The following MACROD2 variants were observed in gnomAD, a reference collection of about 807,000 sequenced individuals.
MACROD2 encodes ADP-ribose glycohydrolase MACROD2.
A neutral mutation model predicts 70.4 loss-of-function variants in MACROD2; 36 were observed. The ratio of observed to expected loss-of-function variants is 0.51; its 90% confidence interval spans 0.39 to 0.68. The LOEUF (loss-of-function observed/expected upper bound fraction) is 0.68. Among genes scored for constraint, MACROD2 ranks in the 30% least tolerant of loss-of-function variants. The pLI is 0.00. For synonymous variants in MACROD2, 172 were observed against 178.8 expected, an observed-to-expected ratio of 0.96 and a Z score of 0.30; for missense variants, 496 against 538.4, an observed-to-expected ratio of 0.92 and a Z score of 0.78.
intron 8 of MACROD2, among the ~76,000 whole-genome samples, chr20:15,586,480 G>T (rs1022945719): frequency 6.6e-6 from 1 of 152,130 alleles, no homozygotes; most frequent in Non-Finnish European, 1.5e-5. Flanking sequence ...TTATTTACCT[G>T]GCTTAAAAGT....
intron 5 of MACROD2, among the ~76,000 whole-genome samples, chr20:15,023,631 G>A (rs368020169): frequency 1.3e-5 from 2 of 152,122 alleles, no homozygotes; most frequent in South Asian, 2.1e-4. Context: ...CTTACATGGC[G>A]GCAGGCAAGA....
At chr20:15,010,438 A>G (rs1433674335) in intron 5 of MACROD2, among the ~76,000 whole-genome samples, 5 of 152,228 alleles carry the variant, frequency 3.3e-5, no homozygotes, top group Admixed American at 2.6e-4. Context: ...TCCCAAGATC[A>G]CTATAGCCGT....
chr20:16,014,405 A>G (rs1399925491), intron 15 of MACROD2, among the ~76,000 whole-genome samples: 1 of 152,212 alleles, frequency 6.6e-6, no homozygotes, highest in Non-Finnish European at 1.5e-5. Flanking sequence ...TTGTTACACT[A>G]AGGAAGAAGT....
At chr20:15,672,350 C>CACACAT (rs2049991505) in intron 8 of MACROD2, among the ~76,000 whole-genome samples, 1 of 117,006 alleles carries the variant, frequency 8.5e-6, no homozygotes, top group African/African-American at 4.9e-5. Context: ...TTCTATTTTA[C>CACACAT]ACACACACAC....
At chr20:15,116,670 T>C (rs2075993912) in intron 5 of MACROD2, among the ~76,000 whole-genome samples, 1 of 152,212 alleles carries the variant, frequency 6.6e-6, no homozygotes, top group Non-Finnish European at 1.5e-5. Context: ...ATGTATTTTC[T>C]ATTCCTTATG....
chr20:14,493,426 A>G (rs2084816459), intron 3 of MACROD2, 53 bp from the exon 4 acceptor site: 3 of 1,450,114 alleles, frequency 2.1e-6, no homozygotes, highest in East Asian at 2.3e-5. Flanking sequence ...CTGATATACT[A>G]TATTTCTTAT....
chr20:14,352,558 C>T (rs2083133517), intron 3 of MACROD2: 1 of 152,038 alleles, frequency 6.6e-6, no homozygotes, highest in Admixed American at 6.6e-5. Context: ...TACAAGATTG[C>T]CCTCCAGAAA....
intron 3 of MACROD2, among the ~76,000 whole-genome samples, chr20:14,481,956 T>G (rs1198621766): frequency 6.6e-6 from 1 of 152,224 alleles, no homozygotes; most frequent in Admixed American, 6.5e-5. Flanking sequence ...GTTGTTATTT[T>G]GGGCATATTT....
rs1156507602 is a variant in MACROD2 at position 15,424,702 on chromosome 20, AG to A, written c.541-6702del. Among the ~76,000 whole-genome samples the A allele has an allele frequency of 1.3e-4, 19 of 151,806 alleles. 1 individual carries two copies. Among genetic ancestry groups the A allele is most frequent in the Admixed American group, 1.2e-3 (19 of 15,258 alleles). On this transcript the variant is annotated intron_variant, in intron 6 of 17. Transcript: ENST00000684519. Reference sequence around the variant, plus strand: ...ACCACTGTACTCCAGCCTGGGCAACAGAGTGAGACCCTGTCTCTGAGAAAAG... The same window carrying A: ...ACCACTGTACTCCAGCCTGGGCAACAAGTGAGACCCTGTCTCTGAGAAAAG...
intron 2 of MACROD2, among the ~76,000 whole-genome samples, chr20:14,014,891 C>T (rs1273294191): frequency 2.0e-5 from 3 of 151,918 alleles, no homozygotes; most frequent in Non-Finnish European, 4.4e-5. Flanking sequence ...ACCTTGACCT[C>T]CTGGGCTCAA....
chr20:15,897,445 T>A (rs2064990242), intron 10 of MACROD2, among the ~76,000 whole-genome samples: 1 of 152,138 alleles, frequency 6.6e-6, no homozygotes, highest in South Asian at 2.1e-4. Flanking sequence ...ATGGGCATCT[T>A]TCATTAGTTC....
At chr20:15,149,351 T>A in intron 5 of MACROD2, among the ~76,000 whole-genome samples, 1 of 151,952 alleles carries the variant, frequency 6.6e-6, no homozygotes, top group Non-Finnish European at 1.5e-5. Flanking sequence ...TTAGGCCTGG[T>A]GGAGCTGCCA....
intron 5 of MACROD2, among the ~76,000 whole-genome samples, chr20:15,202,137 T>C (rs1459867002): frequency 6.6e-6 from 1 of 152,182 alleles, no homozygotes; most frequent in East Asian, 1.9e-4. Context: ...TTAGATGCTC[T>C]AAAATTGAAC....
chr20:15,419,735 C>T (rs552299989), intron 6 of MACROD2, among the ~76,000 whole-genome samples: 13 of 152,328 alleles, frequency 8.5e-5, no homozygotes, highest in East Asian at 5.8e-4. Flanking sequence ...CACCTAAGGG[C>T]GTCCCCCTGC....
intron 3 of MACROD2, among the ~76,000 whole-genome samples, chr20:14,383,307 GT>G (rs3043692): frequency 0.53 from 78,606 of 149,472 alleles, 21,780 homozygotes; most frequent in African/African-American, 0.72. Flanking sequence ...ACCGTTTTTT[GT>G]TTTTTTTTTT....
intron 8 of MACROD2, among the ~76,000 whole-genome samples, chr20:15,504,797 T>C (rs911730101): frequency 1.1e-4 from 16 of 152,196 alleles, no homozygotes; most frequent in Admixed American, 2.6e-4. Context: ...GTAGTAACTT[T>C]ATTACAGAAA....
At chr20:15,017,360 G>T (rs1033635069) in intron 5 of MACROD2, among the ~76,000 whole-genome samples, 1 of 152,184 alleles carries the variant, frequency 6.6e-6, no homozygotes, top group African/African-American at 2.4e-5. Flanking sequence ...GATGCAAGAG[G>T]TGGGTTCCCA....
intron 3 of MACROD2, among the ~76,000 whole-genome samples, chr20:14,220,397 T>C (rs1601363779): frequency 6.6e-6 from 1 of 152,096 alleles, no homozygotes; most frequent in East Asian, 1.9e-4. Context: ...CCCAACACCC[T>C]CCAGAGCATT....
At chr20:14,377,307 G>A (rs1477452020) in intron 3 of MACROD2, among the ~76,000 whole-genome samples, 1 of 152,176 alleles carries the variant, frequency 6.6e-6, no homozygotes, top group African/African-American at 2.4e-5. Flanking sequence ...GGCATTCAAT[G>A]CTTCATTTAT....
Sources: allele counts gnomAD v4.1 joint callset (sites outside exome capture counted in the v4.1 genomes callset), GRCh38; gene constraint gnomAD v4.1.1; transcripts MANE v1.5; gene names NCBI Gene and HGNC (gene_info 2026-07-23, HGNC 2026-07-21).